POLR3B: variants seen among roughly 807,000 people sequenced by gnomAD.
POLR3B encodes the protein RNA polymerase III subunit B, also known as DNA-directed RNA polymerase III subunit RPC2.
Under a neutral mutation model 147.4 loss-of-function variants are expected in POLR3B, and 96 were observed. The observed-to-expected ratio is 0.65, with a 90% CI of 0.55 to 0.77. POLR3B has a LOEUF of 0.77. Ranked by LOEUF, POLR3B falls within the 30% of genes least tolerant of loss-of-function variation. The probability of loss-of-function intolerance (pLI) is 0.00; values close to 1 mark genes in which losing one functional copy is unlikely to be tolerated. For synonymous variants in POLR3B, 461 were observed against 485.9 expected, an observed-to-expected ratio of 0.95 and a Z score of 0.67; for missense variants, 1,036 against 1,413.5, an observed-to-expected ratio of 0.73 and a Z score of 4.28.
chr12:106,439,254 G>A (rs1175785718), intron 18 of POLR3B, among the ~76,000 whole-genome samples: 1 of 152,262 alleles, frequency 6.6e-6, no homozygotes, highest in East Asian at 1.9e-4. Context: ...GCACACACCT[G>A]TAGTCCTAGC....
intron 12 of POLR3B, among the ~76,000 whole-genome samples, chr12:106,419,416 G>C (rs1329468199): frequency 6.6e-6 from 1 of 152,194 alleles, no homozygotes; most frequent in South Asian, 2.1e-4. Flanking sequence ...TTTGGCACTA[G>C]CTAGAGGAGA....
rs1196779785 is a variant in POLR3B, at chr12:106,413,538, A to G, written c.1101+2578A>G. On this transcript the variant is annotated intron_variant, in intron 12 of 27. Coordinates refer to ENST00000228347, the MANE Select transcript of POLR3B (RefSeq NM_018082.6). ...ACCGTACCTTGAATGGCACAGAACC[A>G]TTGTAGTTCCTTCACAGGTGTTCTG... Among the ~76,000 whole-genome samples, 20 of 152,156 alleles carry G rather than the reference A, an allele frequency of 1.3e-4. 1 individual carries two copies. Among genetic ancestry groups the G allele is most frequent in the Admixed American group, 1.2e-3 (18 of 15,274 alleles).
chr12:106,411,389 C>T (rs1053831231), intron 12 of POLR3B, among the ~76,000 whole-genome samples: 6 of 152,188 alleles, frequency 3.9e-5, no homozygotes, highest in African/African-American at 1.4e-4. Flanking sequence ...CTGCCCATCT[C>T]AGCCTCCCAA....
Position 106,501,307 on chromosome 12 carries a change from T to A in POLR3B, c.2985-16T>A. The A allele has an allele frequency of 6.5e-7, 1 of 1,533,384 alleles. No homozygotes were observed. The highest frequency in any genetic ancestry group is 1.1e-5 in the South Asian group (1 of 89,478). 95.0% of individuals were successfully genotyped at this position (1,533,384 alleles called of 1,614,324 possible). ...AACTTAGTTTCTTAACCCACAACAA[T>A]TGATCTTTCTTTCAGTGAGCCCTTA... is the stretch of plus-strand genomic sequence containing the variant. On this transcript the variant is annotated splice_polypyrimidine_tract_variant and intron_variant, in intron 25 of 27. Transcript: ENST00000228347.
chr12:106,384,889 G>A (rs995564582), intron 9 of POLR3B, among the ~76,000 whole-genome samples: 7 of 150,764 alleles, frequency 4.6e-5, no homozygotes, highest in Admixed American at 1.3e-4. Flanking sequence ...GTGGAATGGC[G>A]TGATCTCAGC....
chr12:106,429,596 T>C (rs574714916), intron 13 of POLR3B, among the ~76,000 whole-genome samples: 104 of 152,214 alleles, frequency 6.8e-4, no homozygotes, highest in Non-Finnish European at 7.5e-4. Flanking sequence ...ATACAACATA[T>C]TTAATGCATA....
chr12:106,409,374 T>TTTTTA (rs2037193443), intron 11 of POLR3B, among the ~76,000 whole-genome samples: 2 of 146,062 alleles, frequency 1.4e-5, no homozygotes, highest in African/African-American at 2.5e-5. Context: ...TTTTTTTTCT[T>TTTTTA]GAGGATGGAC....
intron 26 of POLR3B, among the ~76,000 whole-genome samples, chr12:106,503,510 T>C (rs540639376): frequency 6.6e-6 from 1 of 152,286 alleles, no homozygotes; most frequent in East Asian, 1.9e-4. Context: ...ATCCCCCTAA[T>C]TTTAGCTACA....
At chr12:106,368,057 C>CAT (rs369204284) in intron 4 of POLR3B, among the ~76,000 whole-genome samples, 42 of 151,878 alleles carry the variant, frequency 2.8e-4, no homozygotes, top group East Asian at 2.7e-3. Context: ...TGAGTACTAT[C>CAT]ATATATATAT....
chr12:106,392,184 C>T (rs1401626215), intron 9 of POLR3B, among the ~76,000 whole-genome samples: 4 of 152,024 alleles, frequency 2.6e-5, no homozygotes, highest in Non-Finnish European at 4.4e-5. Flanking sequence ...TTTCCCGAGA[C>T]GGAGTTTTGC....
chr12:106,483,577 GA>G (rs2038298524), intron 23 of POLR3B, among the ~76,000 whole-genome samples: 2 of 152,206 alleles, frequency 1.3e-5, no homozygotes, highest in South Asian at 4.1e-4. Flanking sequence ...CTTAGAGTTT[GA>G]AAAGTCCTTT....
intron 6 of POLR3B, among the ~76,000 whole-genome samples, chr12:106,371,804 G>T (rs2036611413): frequency 7.6e-6 from 1 of 132,112 alleles, no homozygotes; most frequent in Non-Finnish European, 1.6e-5. Flanking sequence ...TTGGGGGAGG[G>T]GGGTGGGATA....
intron 19 of POLR3B, among the ~76,000 whole-genome samples, chr12:106,448,122 A>G (rs940794423): frequency 6.6e-6 from 1 of 152,052 alleles, no homozygotes; most frequent in African/African-American, 2.4e-5. Context: ...TTCTGGCCAA[A>G]TTACCCCTGG....
At position 106,509,672 on chromosome 12, in the gene POLR3B, ACC is replaced by A; in HGVS notation, c.*124_*125del. The A allele has an allele frequency of 3.3e-6, 3 of 902,456 alleles. No individual in the cohort carries two copies. Among genetic ancestry groups the A allele is most frequent in the Non-Finnish European group, 3.4e-6 (2 of 580,818 alleles). The allele number at this position is 902,456 out of a possible 1,614,324, so 55.9% of individuals were successfully genotyped here. ...CCTTGCGTATTCTCTCTCTAAAACA[ACC>A]AAAAAAAAATGGAGAGGCTTTTTAT... On this transcript the variant is annotated 3_prime_UTR_variant, in exon 28 of 28. Coordinates refer to ENST00000228347, the MANE Select transcript of POLR3B (RefSeq NM_018082.6).
At chr12:106,393,804 A>ACACACC (rs1207766499) in intron 10 of POLR3B, among the ~76,000 whole-genome samples, 2 of 133,916 alleles carry the variant, frequency 1.5e-5, no homozygotes, top group African/African-American at 5.6e-5. Flanking sequence ...ACACACACAC[A>ACACACC]CCCCATAGTA....
intron 12 of POLR3B, among the ~76,000 whole-genome samples, chr12:106,414,962 C>G (rs1360732485): frequency 6.6e-6 from 1 of 152,196 alleles, no homozygotes; most frequent in Non-Finnish European, 1.5e-5. Context: ...GTTAACAGTG[C>G]CATCTACCCA....
chr12:106,472,149 G>T (rs966899638), intron 23 of POLR3B, among the ~76,000 whole-genome samples: 1 of 128,480 alleles, frequency 7.8e-6, no homozygotes, highest in African/African-American at 3.1e-5. Flanking sequence ...TACTGAGAAT[G>T]ATGGTTTCCA....
In POLR3B at chr12:106,454,636, A is replaced by G. The variant is rs17038460; in HGVS notation, c.2218A>G (p.Thr740Ala). 0.059 allele frequency: 94,570 copies of G among 1,610,850 alleles called. 3,180 individuals carry two copies. The highest frequency in any genetic ancestry group is 0.069 in the Non-Finnish European group (80,679 of 1,177,114). The change falls in exon 20 of 28, where the codon ACA (threonine) becomes GCA (alanine). Residue 740 changes from threonine to alanine, a missense_variant. Thr to Ala is a moderately conservative substitution (Grantham distance 58). Around this residue, in one of 12 missense-constraint regions of POLR3B, gnomAD observed 202 missense variants for 272.8 expected, o/e 0.74. Coordinates refer to ENST00000228347, the MANE Select transcript of POLR3B (RefSeq NM_018082.6). ...GAAACTGCCAGCTGGACAGAATGCA[A>G]CAGTTGCTGTGATGAGCTATAGTGG... ...FEKLPAGQNA[T>A]VAVMSYSGYD...
intron 12 of POLR3B, among the ~76,000 whole-genome samples, chr12:106,425,600 C>T (rs1285301043): frequency 6.6e-6 from 1 of 152,092 alleles, no homozygotes; most frequent in Non-Finnish European, 1.5e-5. Context: ...GGTTTTATTG[C>T]CTGTTTTCCA....
Sources: allele counts gnomAD v4.1 joint callset (sites outside exome capture counted in the v4.1 genomes callset), GRCh38; gene constraint gnomAD v4.1.1; regional missense constraint gnomAD v4.1.1; transcripts MANE v1.5; gene names NCBI Gene and HGNC (gene_info 2026-07-23, HGNC 2026-07-21).